C4orf50: variants seen among roughly 807,000 people sequenced by gnomAD.
The protein encoded by C4orf50 is uncharacterized protein C4orf50.
C4orf50 carries 80 observed loss-of-function variants against 77.2 expected under a neutral mutation model. The ratio of observed to expected loss-of-function variants is 1.04; its 90% CI spans 0.87 to 1.25. The LOEUF is 1.25. Ranked by LOEUF, C4orf50 falls within the 50% of genes most tolerant of loss-of-function variation. C4orf50 has a pLI of 0.00. For synonymous variants in C4orf50, 532 were observed against 465.3 expected (o/e 1.14, Z -1.84); for missense variants, 1,257 against 1,152.9 (o/e 1.09, Z -1.31).
intron 33 of C4orf50, among the ~76,000 whole-genome samples, chr4:5,960,820 T>C (rs1428313270): frequency 2.0e-5 from 3 of 152,174 alleles, no homozygotes; most frequent in South Asian, 2.1e-4. Context: ...CTGGGCTGAC[T>C]AATGTGCGCA....
rs916504171 is a variant in C4orf50 at position 5,901,334 on chromosome 4, A to G, written c.*2475-3146T>C. ...TGCCTTCCCATCCAGTTTTTCCATT[A>G]TTGCGCACAGTAGGTGCCGAGGTGT... is the stretch of plus-strand genomic sequence containing the variant. On this transcript the variant is annotated intron_variant, in intron 7 of 7. Transcript: ENST00000324058. This position sits in a 1 kb window ranked among gnomAD's most constrained non-coding sequence, Gnocchi z 4.4. The G allele has an allele frequency of 1.3e-5, 2 of 152,150 alleles. No homozygotes were observed. The highest frequency in any genetic ancestry group is 6.5e-5 in the Admixed American group (1 of 15,282). 9.4% of individuals were successfully genotyped at this position (152,150 alleles called of 1,614,324 possible).
chr4:6,004,437 G>T (rs2108805875), intron 25 of C4orf50, among the ~76,000 whole-genome samples: 1 of 123,452 alleles, frequency 8.1e-6, no homozygotes, highest in Non-Finnish European at 1.7e-5. Context: ...TGGTGGTGAT[G>T]ATGTGATGGT....
Position 5,952,001 on chromosome 4 carries a change from G to A in C4orf50, c.*2474+4900C>T, listed in dbSNP as rs1259935173. On this transcript the variant is annotated intron_variant, in intron 7 of 7. Transcript: ENST00000324058. The surrounding 1 kb of genome is among the most constrained non-coding windows in gnomAD (Gnocchi z 4.4). ...AATATTTTCTCATCTAACAGAATTT[G>A]CACTACAGACAGTGAGATAAAATAA... is the stretch of plus-strand genomic sequence containing the variant. Among the ~76,000 whole-genome samples, 1 of 152,186 alleles carries A rather than the reference G, an allele frequency of 6.6e-6. No homozygotes were observed. The highest frequency in any genetic ancestry group is 2.4e-5 in the African/African-American group (1 of 41,448).
chr4:5,931,821 T>C (rs1560548037), intron 7 of C4orf50, among the ~76,000 whole-genome samples: 1 of 152,032 alleles, frequency 6.6e-6, no homozygotes, highest in Non-Finnish European at 1.5e-5. Context: ...GACACAGAAA[T>C]CACCACCCCG....
intron 30 of C4orf50, among the ~76,000 whole-genome samples, chr4:5,974,233 G>T (rs1373646170): frequency 6.6e-6 from 1 of 152,180 alleles, no homozygotes; most frequent in African/African-American, 2.4e-5. Context: ...GGCACCTACC[G>T]AGTGTCATGT....
intron 7 of C4orf50, among the ~76,000 whole-genome samples, chr4:5,923,032 T>C (rs1717351332): frequency 6.6e-6 from 1 of 152,160 alleles, no homozygotes; most frequent in Non-Finnish European, 1.5e-5. Flanking sequence ...ATTTTCTCCC[T>C]GGGAGCCCAA....
At chr4:5,978,423 A>C (rs993103207) in intron 29 of C4orf50, among the ~76,000 whole-genome samples, 1 of 152,258 alleles carries the variant, frequency 6.6e-6, no homozygotes, top group African/African-American at 2.4e-5. Context: ...TCCAAAGAGT[A>C]CTATTTAGCT....
chr4:5,911,639 G>A (rs146371793), intron 7 of C4orf50, among the ~76,000 whole-genome samples: 2,141 of 152,328 alleles, frequency 0.014, 25 homozygotes, highest in Non-Finnish European at 0.019. Context: ...ATAAAAAGAT[G>A]AAGAGGAAAC....
intron 29 of C4orf50, among the ~76,000 whole-genome samples, chr4:5,978,837 T>C (rs1720418980): frequency 6.6e-6 from 1 of 152,230 alleles, no homozygotes; most frequent in African/African-American, 2.4e-5. Context: ...ATCCACCCAA[T>C]AGATTACTAC....
chr4:6,016,556 A>T (rs1722692811), intron 23 of C4orf50, among the ~76,000 whole-genome samples: 1 of 152,208 alleles, frequency 6.6e-6, no homozygotes, highest in African/African-American at 2.4e-5. Context: ...CTCAAAACAA[A>T]GCAAAATAAA....
rs572049457 is a variant in C4orf50 at position 5,946,660 on chromosome 4, G to A, written c.*2474+10241C>T. On this transcript the variant is annotated intron_variant, in intron 7 of 7. Coordinates refer to the C4orf50 transcript ENST00000324058. Reference sequence around the variant, plus strand: ...TCCTCTTTTCCTTTGTCTTTCTATTGCCTTTACCTATTTAGAAAAGTTTTA... The same window carrying A: ...TCCTCTTTTCCTTTGTCTTTCTATTACCTTTACCTATTTAGAAAAGTTTTA... Among the ~76,000 whole-genome samples the A allele has an allele frequency of 2.0e-5, 3 of 152,220 alleles. 1 individual carries two copies. The highest frequency in any genetic ancestry group is 4.4e-5 in the Non-Finnish European group (3 of 68,018).
intron 7 of C4orf50, among the ~76,000 whole-genome samples, chr4:5,931,534 G>A (rs1717767613): frequency 6.6e-6 from 1 of 152,150 alleles, no homozygotes; most frequent in Admixed American, 6.5e-5. Context: ...GCCCTGGCGA[G>A]GCTGAGCTGA....
At chr4:6,001,915 G>C (rs1017448796) in intron 25 of C4orf50, among the ~76,000 whole-genome samples, 5 of 152,250 alleles carry the variant, frequency 3.3e-5, no homozygotes, top group African/African-American at 1.2e-4. Context: ...AGCACTGACA[G>C]CCATGCATGT....
chr4:5,915,816 G>T (rs113926592), intron 7 of C4orf50, among the ~76,000 whole-genome samples: 2,059 of 152,302 alleles, frequency 0.014, 53 homozygotes, highest in African/African-American at 0.046. Flanking sequence ...ATCACAGGAG[G>T]TAAGTTCAGT....
intron 7 of C4orf50, among the ~76,000 whole-genome samples, chr4:5,939,334 T>C (rs1449737363): frequency 1.3e-5 from 2 of 152,180 alleles, no homozygotes; most frequent in Non-Finnish European, 2.9e-5. Context: ...ACATCCTCTG[T>C]CACTGTCCCC....
At chr4:5,972,839 A>G (rs1013536102) in intron 31 of C4orf50, among the ~76,000 whole-genome samples, 1 of 152,088 alleles carries the variant, frequency 6.6e-6, no homozygotes, top group Non-Finnish European at 1.5e-5. Context: ...GGCTGCATGT[A>G]TATGTGTGGG....
chr4:5,961,501 A>G (rs1325070346), intron 33 of C4orf50, among the ~76,000 whole-genome samples: 1 of 152,244 alleles, frequency 6.6e-6, no homozygotes, highest in African/African-American at 2.4e-5. Flanking sequence ...GCATCTTTAC[A>G]AAATCCAAGG....
At chr4:5,941,066 G>A (rs1163278868) in intron 7 of C4orf50, among the ~76,000 whole-genome samples, 3 of 152,198 alleles carry the variant, frequency 2.0e-5, no homozygotes, top group East Asian at 3.9e-4. Context: ...TATATAAAAT[G>A]GTTGTGACTT....
At chr4:5,913,402 G>A (rs1716893870) in intron 7 of C4orf50, among the ~76,000 whole-genome samples, 1 of 149,674 alleles carries the variant, frequency 6.7e-6, no homozygotes, top group Admixed American at 6.6e-5. Flanking sequence ...CATTTTGAGT[G>A]AGGGTAGTGA....
Sources: allele counts gnomAD v4.1 joint callset (sites outside exome capture counted in the v4.1 genomes callset), GRCh38; gene constraint gnomAD v4.1.1; non-coding constraint Gnocchi (gnomAD v3.1); transcripts MANE v1.5; gene names NCBI Gene and HGNC (gene_info 2026-07-23, HGNC 2026-07-21).